LY6S: variants seen among roughly 807,000 people sequenced by gnomAD.
The protein encoded by LY6S is lymphocyte antigen 6S.
the LY6S span, chr8:143,044,739 G>T: frequency 5.8e-6 from 8 of 1,367,606 alleles, no homozygotes; most frequent in Non-Finnish European, 6.8e-6. Context: ...AGGGGCACGA[G>T]ACCACGCTGC....
At chr8:143,070,464 A>G in the LY6S span, among the ~76,000 whole-genome samples, 1 of 34,214 alleles carries the variant, frequency 2.9e-5, no homozygotes, top group Non-Finnish European at 5.2e-5. Flanking sequence ...ATATATATAT[A>G]ATATATATAT....
At chr8:143,071,408 G>A in the LY6S span, among the ~76,000 whole-genome samples, 2 of 152,152 alleles carry the variant, frequency 1.3e-5, no homozygotes, top group Non-Finnish European at 2.9e-5. Flanking sequence ...ATGATGTTAT[G>A]GATTTGTCAA....
chr8:143,043,323 TC>T, the LY6S span: 6 of 1,134,426 alleles, frequency 5.3e-6, no homozygotes, highest in Non-Finnish European at 7.1e-6. Flanking sequence ...GAGCTTGTTC[TC>T]CCCTCTCACT....
chr8:143,066,152 C>CTTTTCTT, the LY6S span: 1 of 303,252 alleles, frequency 3.3e-6, no homozygotes. Flanking sequence ...TGATGAATTT[C>CTTTTCTT]TTTTCTTTTC....
chr8:143,076,195 G>C, the LY6S span, among the ~76,000 whole-genome samples: 1 of 152,204 alleles, frequency 6.6e-6, no homozygotes, highest in Non-Finnish European at 1.5e-5. Flanking sequence ...CCCAAAGTCA[G>C]AAACAGAACA....
the LY6S span, among the ~76,000 whole-genome samples, chr8:143,063,794 T>C: frequency 0.76 from 115,652 of 152,094 alleles, 44,273 homozygotes; most frequent in East Asian, 0.93. Flanking sequence ...GCTCAGCCTG[T>C]CCGCTGTCAG....
chr8:143,044,736 C>T, the LY6S span: 20 of 1,367,448 alleles, frequency 1.5e-5, no homozygotes, highest in East Asian at 1.8e-4. Context: ...GGAAGGGGCA[C>T]GAGACCACGC....
the LY6S span, among the ~76,000 whole-genome samples, chr8:143,076,219 C>T: frequency 6.6e-6 from 1 of 152,218 alleles, no homozygotes; most frequent in Non-Finnish European, 1.5e-5. Flanking sequence ...TTGCACACAG[C>T]TGTCCGTCTA....
At chr8:143,061,501 TTTGGTTGGTTGG>T in the LY6S span, among the ~76,000 whole-genome samples, 4 of 148,876 alleles carry the variant, frequency 2.7e-5, no homozygotes, top group African/African-American at 1.0e-4. Flanking sequence ...GGTTTGTTTG[TTTGGTTGGTTGG>T]TTGGTTGGTT....
At chr8:143,042,669 A>C in the LY6S span, 28 of 266,392 alleles carry the variant, frequency 1.1e-4, no homozygotes, top group African/African-American at 6.2e-4. Context: ...CCTGTGTGGG[A>C]GGCCAGCAGG....
At chr8:143,052,855 C>T in the LY6S span, among the ~76,000 whole-genome samples, 6 of 152,156 alleles carry the variant, frequency 3.9e-5, no homozygotes, top group African/African-American at 9.7e-5. Context: ...GTCCCCAAAG[C>T]GAAAAGGAAA....
chr8:143,051,834 T>C, the LY6S span, among the ~76,000 whole-genome samples: 2 of 150,464 alleles, frequency 1.3e-5, no homozygotes, highest in Non-Finnish European at 3.0e-5. Context: ...TAGCCGGGCA[T>C]GGTGGCACCC....
chr8:143,051,476 G>A, the LY6S span, among the ~76,000 whole-genome samples: 1 of 151,976 alleles, frequency 6.6e-6, no homozygotes, highest in African/African-American at 2.4e-5. Flanking sequence ...GGGAGGCAGA[G>A]GTTGCAGCGA....
At chr8:143,072,209 G>A in the LY6S span, among the ~76,000 whole-genome samples, 1 of 121,234 alleles carries the variant, frequency 8.2e-6, no homozygotes, top group African/African-American at 3.0e-5. Flanking sequence ...CCGTCATTCT[G>A]GGGGTTCCTG....
At chr8:143,055,492 A>G in the LY6S span, among the ~76,000 whole-genome samples, 1 of 152,212 alleles carries the variant, frequency 6.6e-6, no homozygotes, top group Non-Finnish European at 1.5e-5. Context: ...TAAAGAATGA[A>G]GTGTTTACTG....
chr8:143,075,752 G>A, the LY6S span, among the ~76,000 whole-genome samples: 3 of 152,146 alleles, frequency 2.0e-5, no homozygotes, highest in African/African-American at 7.2e-5. The surrounding 1 kb of genome is among the most constrained non-coding windows in gnomAD (Gnocchi z 4.1). Context: ...CAAATATATA[G>A]GGTTAGATTT....
chr8:143,073,263 C>CCCTGTTTGAGAAGACAGCCGTCATTCTT, the LY6S span, among the ~76,000 whole-genome samples: 1 of 141,836 alleles, frequency 7.1e-6, no homozygotes, highest in African/African-American at 2.8e-5. Context: ...CTGTCGTCCT[C>CCCTGTTTGAGAAGACAGCCGTCATTCTT]GGGGTCCCTG....
chr8:143,058,735 C>A, the LY6S span, among the ~76,000 whole-genome samples: 50,573 of 145,358 alleles, frequency 0.35, 7,013 homozygotes, highest in Non-Finnish European at 0.48. Flanking sequence ...TGCTAAGTAG[C>A]GGGTGTTTTT....
chr8:143,043,122 C>A, the LY6S span: 2 of 1,366,792 alleles, frequency 1.5e-6, no homozygotes, highest in East Asian at 4.6e-5. Context: ...GAAAGGCCCT[C>A]ACAGCAGGGC....
Sources: allele counts gnomAD v4.1 joint callset (sites outside exome capture counted in the v4.1 genomes callset), GRCh38; gene constraint gnomAD v4.1.1; non-coding constraint Gnocchi (gnomAD v3.1); transcripts MANE v1.5; gene names NCBI Gene and HGNC (gene_info 2026-07-23, HGNC 2026-07-21).